CPQ: variants seen among roughly 807,000 people sequenced by gnomAD.
CPQ encodes Ser-Met dipeptidase.
A neutral mutation model predicts 45.7 loss-of-function variants in CPQ; 37 were observed. That is an observed-to-expected ratio of 0.81 (90% CI 0.62 to 1.07). CPQ has a LOEUF of 1.07. Ranked by LOEUF, CPQ falls within the 50% of genes least tolerant of loss-of-function variation. The pLI is 0.00. For synonymous variants in CPQ, 186 were observed against 205.8 expected, an observed-to-expected ratio of 0.90 and a Z score of 0.82; for missense variants, 537 against 572.9, an observed-to-expected ratio of 0.94 and a Z score of 0.64.
At chr8:96,974,232 G>GA (rs60213434) in intron 5 of CPQ, among the ~76,000 whole-genome samples, 3,380 of 152,028 alleles carry the variant, frequency 0.022, 79 homozygotes, top group African/African-American at 0.058. Flanking sequence ...TCTTATACCA[G>GA]AAAAAACAAA....
chr8:97,121,229 A>T (rs1244210837), intron 7 of CPQ, among the ~76,000 whole-genome samples: 1 of 152,240 alleles, frequency 6.6e-6, no homozygotes, highest in Non-Finnish European at 1.5e-5. Flanking sequence ...TTTCTGCCTC[A>T]GGCCATTAGA....
intron 1 of CPQ, among the ~76,000 whole-genome samples, chr8:96,696,538 A>T (rs1404207167): frequency 6.6e-6 from 1 of 152,124 alleles, no homozygotes. Context: ...GCAGAAATAA[A>T]TAAAATTAAA....
chr8:97,122,981 TTAAAA>T (rs1353359420), intron 7 of CPQ, among the ~76,000 whole-genome samples: 3 of 24,270 alleles, frequency 1.2e-4, no homozygotes, highest in African/African-American at 4.8e-4. Flanking sequence ...TAAAATAAAA[TTAAAA>T]TAAAATAAAA....
intron 7 of CPQ, among the ~76,000 whole-genome samples, chr8:97,097,979 A>G (rs2130574944): frequency 6.6e-6 from 1 of 152,338 alleles, no homozygotes; most frequent in East Asian, 1.9e-4. Context: ...TCCAGAAGAA[A>G]AATAAAATGA....
intron 7 of CPQ, among the ~76,000 whole-genome samples, chr8:97,129,968 G>A (rs144879745): frequency 8.5e-5 from 13 of 152,254 alleles, no homozygotes; most frequent in East Asian, 3.9e-4. Context: ...TGCACTAGTC[G>A]CTGCCCTGCT....
rs769585662 is a variant in CPQ at position 96,965,960 on chromosome 8, A to G, written c.875A>G (p.Asp292Gly). The change falls in exon 5 of 8, where the codon GAC becomes GGC. Residue 292 changes from aspartate (D) to glycine (G), a missense_variant. By Grantham distance (94) the Asp-to-Gly change is moderately conservative. Transcript: ENST00000220763. ...EQVVLVSGHLDSWDVGQGAMD... is the reference protein window; with the variant it reads ...EQVVLVSGHLGSWDVGQGAMD... ...GTTGTACTGGTCAGTGGACATCTGG[A>G]CAGCTGGGATGTTGGGCAGGGTGCC... 6.8e-6 allele frequency: 11 copies of G among 1,613,256 alleles called. 1 individual carries two copies. Among genetic ancestry groups the G allele is most frequent in the Non-Finnish European group, 9.3e-6 (11 of 1,179,582 alleles).
At chr8:97,058,010 G>A (rs1810483705) in intron 6 of CPQ, among the ~76,000 whole-genome samples, 1 of 152,210 alleles carries the variant, frequency 6.6e-6, no homozygotes, top group South Asian at 2.1e-4. Context: ...GGAAAGGCCC[G>A]CCTAAGAAAA....
At chr8:96,764,568 G>T (rs911825412) in intron 1 of CPQ, among the ~76,000 whole-genome samples, 1 of 152,146 alleles carries the variant, frequency 6.6e-6, no homozygotes, top group Non-Finnish European at 1.5e-5. Context: ...TCTATTATAT[G>T]TTAATTATAT....
At chr8:96,791,595 G>T (rs920249475) in intron 2 of CPQ, among the ~76,000 whole-genome samples, 1 of 152,046 alleles carries the variant, frequency 6.6e-6, no homozygotes, top group African/African-American at 2.4e-5. Flanking sequence ...TCGTTCCATG[G>T]GGCTCAAAGT....
At chr8:96,868,624 CTT>C (rs1812024797) in intron 3 of CPQ, among the ~76,000 whole-genome samples, 1 of 151,822 alleles carries the variant, frequency 6.6e-6, no homozygotes, top group African/African-American at 2.4e-5. Flanking sequence ...AAAGTATAAA[CTT>C]AGTAGTTATA....
intron 3 of CPQ, among the ~76,000 whole-genome samples, chr8:96,860,767 T>C (rs1563515092): frequency 6.6e-6 from 1 of 152,154 alleles, no homozygotes; most frequent in Non-Finnish European, 1.5e-5. Context: ...CTCTGGACAC[T>C]TAACCTAAAA....
intron 1 of CPQ, among the ~76,000 whole-genome samples, chr8:96,766,971 T>G (rs1563491564): frequency 1.3e-5 from 2 of 152,176 alleles, no homozygotes. Flanking sequence ...ATCACCTTCT[T>G]ATGTTGCAAA....
At chr8:96,660,169 G>C (rs192442107) in intron 1 of CPQ, among the ~76,000 whole-genome samples, 1 of 152,276 alleles carries the variant, frequency 6.6e-6, no homozygotes, top group South Asian at 2.1e-4. Context: ...TCATGGTTGT[G>C]GGGGCTGGAA....
intron 5 of CPQ, among the ~76,000 whole-genome samples, chr8:97,013,857 T>C (rs944865367): frequency 1.3e-5 from 2 of 152,230 alleles, no homozygotes; most frequent in Non-Finnish European, 1.5e-5. Context: ...TACATTTGTA[T>C]ATAGAAAAAG....
At chr8:96,795,156 C>T (rs1159880203) in intron 2 of CPQ, among the ~76,000 whole-genome samples, 2 of 152,146 alleles carry the variant, frequency 1.3e-5, no homozygotes. Flanking sequence ...TGAAGACATA[C>T]CCAAAACTGG....
At chr8:96,796,143 A>G (rs1810925619) in intron 2 of CPQ, among the ~76,000 whole-genome samples, 1 of 152,032 alleles carries the variant, frequency 6.6e-6, no homozygotes, top group Non-Finnish European at 1.5e-5. Flanking sequence ...TGTATCTTCA[A>G]AACCCTGCAC....
intron 1 of CPQ, among the ~76,000 whole-genome samples, chr8:96,683,107 A>G (rs1388798486): frequency 2.6e-5 from 4 of 151,414 alleles, no homozygotes; most frequent in African/African-American, 9.7e-5. Context: ...TCATTTGTGT[A>G]TCTTACTTTT....
At chr8:96,722,539 G>A (rs576048642) in intron 1 of CPQ, among the ~76,000 whole-genome samples, 1 of 152,156 alleles carries the variant, frequency 6.6e-6, no homozygotes, top group East Asian at 1.9e-4. Flanking sequence ...TACAGAGAAA[G>A]TTTGCTGACC....
At chr8:96,803,635 A>T (rs1248285488) in intron 2 of CPQ, among the ~76,000 whole-genome samples, 1 of 152,070 alleles carries the variant, frequency 6.6e-6, no homozygotes, top group African/African-American at 2.4e-5. Flanking sequence ...AAAGGTAGTC[A>T]TGTCCTCATA....
Sources: gnomAD v4.1 joint callset for allele counts (sites outside exome capture counted in the v4.1 genomes callset) on GRCh38, gnomAD v4.1.1 for gene constraint, MANE v1.5 for transcripts, NCBI Gene and HGNC (gene_info 2026-07-23, HGNC 2026-07-21) for gene names.